Variants in BCAT1 observed in about 807,000 individuals in gnomAD.
BCAT1 encodes branched chain amino acid transaminase 1.
A neutral mutation model predicts 52.4 loss-of-function variants in BCAT1; 48 were observed. That is an observed-to-expected ratio of 0.92 (90% CI 0.73 to 1.16). BCAT1 has a LOEUF of 1.16. BCAT1 is among the 50% of genes most tolerant of loss of function. The pLI is 0.00. For synonymous variants in BCAT1, 167 were observed against 161.3 expected (o/e 1.04, Z -0.27); for missense variants, 451 against 457.1 (o/e 0.99, Z 0.12).
At chr12:24,832,438 C>T (rs539679682) in intron 9 of BCAT1, among the ~76,000 whole-genome samples, 11 of 152,050 alleles carry the variant, frequency 7.2e-5, no homozygotes, top group Non-Finnish European at 1.5e-4. Flanking sequence ...GGTGCGGTGG[C>T]GCACTCCTGT....
intron 1 of BCAT1, chr12:24,903,621 G>C (rs561630737): frequency 1.3e-5 from 2 of 152,156 alleles, no homozygotes; most frequent in African/African-American, 2.4e-5. Context: ...TACCAGGCTC[G>C]CATTCCCTAA....
intron 4 of BCAT1, among the ~76,000 whole-genome samples, chr12:24,880,291 A>C (rs1213471729): frequency 6.6e-6 from 1 of 152,168 alleles, no homozygotes; most frequent in Non-Finnish European, 1.5e-5. Context: ...TCCACTAAAA[A>C]TAATTTTTAA....
At chr12:24,864,850 G>T (rs1941958891) in intron 5 of BCAT1, among the ~76,000 whole-genome samples, 1 of 152,008 alleles carries the variant, frequency 6.6e-6, no homozygotes, top group African/African-American at 2.4e-5. Context: ...GATCACCAAG[G>T]CCTTCCACAT....
intron 1 of BCAT1, among the ~76,000 whole-genome samples, chr12:24,920,972 A>G (rs1943491879): frequency 6.6e-6 from 1 of 152,194 alleles, no homozygotes. Context: ...TTCTGAGCAC[A>G]GGAGCTTTTG....
At chr12:24,929,468 G>A (rs1420192945) in intron 1 of BCAT1, among the ~76,000 whole-genome samples, 1 of 152,170 alleles carries the variant, frequency 6.6e-6, no homozygotes, top group South Asian at 2.1e-4. Flanking sequence ...CTGAGACACT[G>A]TAGACACAGG....
intron 8 of BCAT1, among the ~76,000 whole-genome samples, chr12:24,835,555 A>AT (rs141095320): frequency 0.22 from 14,128 of 64,318 alleles, 785 homozygotes; most frequent in Non-Finnish European, 0.28. Context: ...ATTTTATTTT[A>AT]TTTATTTATT....
intron 8 of BCAT1, among the ~76,000 whole-genome samples, chr12:24,835,072 TGTC>T (rs1178270273): frequency 2.0e-5 from 3 of 152,260 alleles, no homozygotes; most frequent in Non-Finnish European, 2.9e-5. Context: ...ACTTGCAACT[TGTC>T]GTCGAACCTT....
At chr12:24,876,260 T>A (rs1245417860) in intron 5 of BCAT1, among the ~76,000 whole-genome samples, 64 of 109,824 alleles carry the variant, frequency 5.8e-4, no homozygotes, top group African/African-American at 9.1e-4. Flanking sequence ...GAGGGAGATG[T>A]AAAAAAAAAA....
At chr12:24,943,775 G>A (rs1426598225) in intron 1 of BCAT1, among the ~76,000 whole-genome samples, 1 of 152,022 alleles carries the variant, frequency 6.6e-6, no homozygotes, top group South Asian at 2.1e-4. Flanking sequence ...ACGAGGTCAG[G>A]AGATCAAGAC....
intron 1 of BCAT1, among the ~76,000 whole-genome samples, chr12:24,925,266 T>A (rs1004810040): frequency 3.3e-5 from 5 of 152,124 alleles, no homozygotes; most frequent in Admixed American, 2.6e-4. Flanking sequence ...TTGCAATAGA[T>A]ACTGTACCTG....
chr12:24,901,682 T>G lies in BCAT1; in HGVS notation c.78+132A>C, dbSNP rs1591858140. 5 of 934,872 alleles carry G rather than the reference T, an allele frequency of 5.3e-6. No homozygotes were observed. The African/African-American group carries it at 8.4e-5, about 16-fold the overall frequency. The allele number at this position is 934,872 out of a possible 1,614,324, so 57.9% of individuals were successfully genotyped here. ...GGCTTTTTTTCCTCTAAGAGTGGAA[T>G]TTTAAAAGTCTGGCAACACAACCTA... On this transcript the variant is annotated intron_variant, in intron 2 of 10. Transcript: ENST00000261192.
chr12:24,889,800 G>A (rs1942785174), intron 3 of BCAT1, among the ~76,000 whole-genome samples: 1 of 151,972 alleles, frequency 6.6e-6, no homozygotes, highest in Non-Finnish European at 1.5e-5. Flanking sequence ...TACCACCCTA[G>A]GCTACATAGC....
At chr12:24,901,244 T>C (rs1943094444) in intron 2 of BCAT1, among the ~76,000 whole-genome samples, 1 of 152,272 alleles carries the variant, frequency 6.6e-6, no homozygotes, top group East Asian at 1.9e-4. Context: ...AGAGCAGCAC[T>C]AGGCATAAAA....
chr12:24,928,189 T>C (rs1943622539), intron 1 of BCAT1, among the ~76,000 whole-genome samples: 1 of 152,218 alleles, frequency 6.6e-6, no homozygotes, highest in South Asian at 2.1e-4. Context: ...TTCTGCTTCT[T>C]AGGTTATAGA....
At chr12:24,870,528 T>C (rs1366058087) in intron 5 of BCAT1, among the ~76,000 whole-genome samples, 1 of 152,210 alleles carries the variant, frequency 6.6e-6, no homozygotes, top group African/African-American at 2.4e-5. Context: ...TGGGTTTATA[T>C]TATGAAAGTC....
At chr12:24,824,973 T>C (rs1478947390) in intron 10 of BCAT1, among the ~76,000 whole-genome samples, 1 of 152,180 alleles carries the variant, frequency 6.6e-6, no homozygotes, top group Non-Finnish European at 1.5e-5. Flanking sequence ...GATCTACTTT[T>C]TTAGCACCTG....
intron 3 of BCAT1, among the ~76,000 whole-genome samples, chr12:24,887,197 G>T (rs765918757): frequency 2.7e-5 from 4 of 147,322 alleles, no homozygotes; most frequent in Non-Finnish European, 5.9e-5. Flanking sequence ...GACAGGCAAA[G>T]GTCATCTGCC....
intron 1 of BCAT1, among the ~76,000 whole-genome samples, chr12:24,910,175 A>T (rs1943295019): frequency 6.6e-6 from 1 of 151,966 alleles, no homozygotes; most frequent in South Asian, 2.1e-4. Context: ...GGAGTTCGAG[A>T]CCAACCTGGC....
rs371379527 is a variant in BCAT1, at chr12:24,883,390, G to A, written c.280-1979C>T. On this transcript the variant is annotated intron_variant, in intron 3 of 10. Transcript: ENST00000261192. ...TGAGGATATGGAACCCTTGTATACT[G>A]AGGGTAGCGGTGTAAATTAGTACAG... Among the ~76,000 whole-genome samples, 72 of 152,274 alleles carry A rather than the reference G, an allele frequency of 4.7e-4. No individual in the cohort carries two copies. In the South Asian group the frequency reaches 6.8e-3, roughly 14 times the overall value.
Sources: gnomAD v4.1 joint callset for allele counts (sites outside exome capture counted in the v4.1 genomes callset) on GRCh38, gnomAD v4.1.1 for gene constraint, MANE v1.5 for transcripts, NCBI Gene and HGNC (gene_info 2026-07-23, HGNC 2026-07-21) for gene names.